The following CD5 variants were observed in gnomAD, a reference collection of about 807,000 sequenced individuals.
CD5 encodes the protein T-cell surface glycoprotein CD5.
Under a neutral mutation model 60.3 loss-of-function variants are expected in CD5, and 36 were observed. The observed-to-expected ratio is 0.60, with a 90% confidence interval of 0.46 to 0.79. The LOEUF (loss-of-function observed/expected upper bound fraction) is 0.79. CD5 is among the 30% of genes least tolerant of loss of function. CD5 has a pLI of 0.00. For missense variants in CD5, 540 were observed against 630.6 expected, an observed-to-expected ratio of 0.86 and a Z score of 1.54; for synonymous variants, 230 against 257.6, an observed-to-expected ratio of 0.89 and a Z score of 1.03.
At position 61,103,651 on chromosome 11, in the gene CD5, GGT is replaced by G. The variant is rs370151173; in HGVS notation, c.55+1037_55+1038del. 9.0e-5 allele frequency among the ~76,000 whole-genome samples: 13 copies of G among 144,440 alleles called. 1 individual carries two copies. The highest frequency in any genetic ancestry group is 3.7e-4 in the African/African-American group (13 of 34,928). The allele number at this position is 144,440 out of a possible 152,430, so 94.8% of individuals were successfully genotyped here. A position where few individuals can be genotyped will look rare whatever the true frequency, so the allele number is the denominator to read the frequency against. The stretch of plus-strand genomic sequence containing the variant: ...TACGTGTGTGAGAACTGTGTTGGGG[GGT>G]AATGTGTGACTCTGTGTGTGAGTCT... On this transcript the variant is annotated intron_variant, in intron 1 of 10. Coordinates refer to ENST00000347785, the MANE Select transcript of CD5 (RefSeq NM_014207.4).
At chr11:61,095,746 C>A in the CD5 span, among the ~76,000 whole-genome samples, 1 of 152,122 alleles carries the variant, frequency 6.6e-6, no homozygotes, top group Admixed American at 6.5e-5. Flanking sequence ...GCTCAAAAGG[C>A]TACAAATGTA....
chr11:61,100,897 TCA>T (rs1245042511), upstream of CD5, among the ~76,000 whole-genome samples: 167 of 107,746 alleles, frequency 1.5e-3, 7 homozygotes, highest in Middle Eastern at 0.022. Context: ...AACATGGAGA[TCA>T]CACACACATC....
chr11:61,104,474 A>C (rs998783805), intron 1 of CD5, among the ~76,000 whole-genome samples: 1 of 152,094 alleles, frequency 6.6e-6, no homozygotes, highest in African/African-American at 2.4e-5. Flanking sequence ...GAGTATGGGA[A>C]CCCGTGTCCT....
chr11:61,113,379 C>T (rs991744741), intron 1 of CD5, among the ~76,000 whole-genome samples: 8 of 152,240 alleles, frequency 5.3e-5, no homozygotes, highest in Admixed American at 5.2e-4. Flanking sequence ...GGCAACTTTG[C>T]CCCCACTCCA....
chr11:61,118,134 C>T lies in CD5; in HGVS notation c.95-41C>T, dbSNP rs1297982120. Reference sequence around the variant, plus strand: ...GCAGTGAGGGGTGCCAGTGGGGAACCCCTCCCAGCCTGACCCCCACCACAC... The same window carrying T: ...GCAGTGAGGGGTGCCAGTGGGGAACTCCTCCCAGCCTGACCCCCACCACAC... On this transcript the variant is annotated intron_variant, in intron 2 of 10. Transcript: ENST00000347785. The surrounding 1 kb of genome is among the most constrained non-coding windows in gnomAD (Gnocchi z 4.7). 5 of 1,585,992 alleles carry T rather than the reference C, an allele frequency of 3.2e-6. No homozygotes were observed. In the Admixed American group the frequency reaches 5.1e-5, roughly 16 times the overall value.
chr11:61,096,274 A>G, the CD5 span, among the ~76,000 whole-genome samples: 1 of 152,250 alleles, frequency 6.6e-6, no homozygotes, highest in Non-Finnish European at 1.5e-5. Context: ...GATTCAGAAC[A>G]AAAGACCTCA....
chr11:61,123,044 G>A lies in CD5; in HGVS notation c.1225+12G>A, dbSNP rs373847040. The A allele has an allele frequency of 2.1e-5, 34 of 1,599,784 alleles. No homozygotes were observed. Among genetic ancestry groups the A allele is most frequent in the Middle Eastern group, 3.3e-4 (2 of 6,066 alleles). On this transcript the variant is annotated intron_variant, in intron 7 of 10. Transcript: ENST00000347785. ...GCTAGTGAAGAAATGTAGGTGTCAC[G>A]GCCCTGAGTGGCTCCGTTCCCACGT...
chr11:61,119,628 T>C (rs1172744678), intron 5 of CD5, 53 bp downstream of exon 5: 5 of 1,295,418 alleles, frequency 3.9e-6, no homozygotes, highest in Non-Finnish European at 5.4e-6. Flanking sequence ...CTAGGTGGGG[T>C]CACAGAGCAT....
chr11:61,102,488 C>T (rs899326744), upstream of CD5: 17 of 1,062,180 alleles, frequency 1.6e-5, no homozygotes, highest in South Asian at 6.8e-5. Context: ...TCTCTGAGAG[C>T]GAGATACCCG....
chr11:61,100,939 T>C (rs1248799740), upstream of CD5, among the ~76,000 whole-genome samples: 2 of 116,542 alleles, frequency 1.7e-5, no homozygotes, highest in Non-Finnish European at 3.4e-5. Flanking sequence ...CACATCAACA[T>C]GGAGATTACA....
chr11:61,115,636 G>C (rs1027820215), intron 2 of CD5, among the ~76,000 whole-genome samples: 2 of 152,226 alleles, frequency 1.3e-5, no homozygotes, highest in Non-Finnish European at 2.9e-5. Flanking sequence ...CCCAGTAAAG[G>C]ATCTGAGAAA....
rs1303848385 is a variant in CD5, at chr11:61,121,905, G to A, written c.1099+1G>A. 10 of 1,532,994 alleles carry A rather than the reference G, an allele frequency of 6.5e-6. No homozygotes were observed. Among genetic ancestry groups the A allele is most frequent in the Admixed American group, 1.8e-5 (1 of 54,370 alleles). 95.0% of individuals were successfully genotyped at this position (1,532,994 alleles called of 1,614,324 possible). ...TACTGCAAGAAGGTGTTTGTCACAT[G>A]TGAGTTGGCCACAGCCCACAGTGGG... On this transcript the variant is annotated splice_donor_variant, in intron 6 of 10. Coordinates refer to ENST00000347785, the MANE Select transcript of CD5 (RefSeq NM_014207.4). LOFTEE classifies it high-confidence loss of function.
chr11:61,104,842 C>G (rs961533307), intron 1 of CD5, among the ~76,000 whole-genome samples: 1 of 152,258 alleles, frequency 6.6e-6, no homozygotes, highest in African/African-American at 2.4e-5. Context: ...GCAGCTGGTG[C>G]ACAGCCGAGC....
chr11:61,108,534 C>G (rs1311654014), intron 1 of CD5, among the ~76,000 whole-genome samples: 3 of 152,206 alleles, frequency 2.0e-5, no homozygotes, highest in African/African-American at 7.2e-5. Context: ...CTTCGTTTCC[C>G]TAAAGCCCTG....
chr11:61,114,887 A>G (rs963354147), intron 1 of CD5, among the ~76,000 whole-genome samples, 169 bp from the exon 2 acceptor site: 1 of 152,138 alleles, frequency 6.6e-6, no homozygotes, highest in Non-Finnish European at 1.5e-5. Flanking sequence ...TAGAATTCAT[A>G]TCACTCAGGG....
chr11:61,126,808 C>G lies in CD5; in HGVS notation c.*523C>G, dbSNP rs997215897. 1 of 152,274 alleles carries G rather than the reference C, an allele frequency of 6.6e-6. No homozygotes were observed. Among genetic ancestry groups the G allele is most frequent in the African/African-American group, 2.4e-5 (1 of 41,448 alleles). 9.4% of individuals were successfully genotyped at this position (152,274 alleles called of 1,614,324 possible). ...GGGGACTCCCGGAGACCTCTGCAGC[C>G]GTGGTGGTCAGAGGCTGCTCACCTG... On this transcript the variant is annotated 3_prime_UTR_variant, in exon 11 of 11. Coordinates refer to ENST00000347785, the MANE Select transcript of CD5 (RefSeq NM_014207.4).
In CD5 at chr11:61,119,409, G is replaced by A; in HGVS notation, c.639G>A (p.Leu213=). Residue 213 remains leucine, a synonymous_variant, in exon 5 of 11, where the codon CTG becomes CTA. Transcript: ENST00000347785. ...NLQCGSFLKH[L]PETEAGRAQD... ...AGTGTGGCTCCTTCTTGAAGCATCT[G>A]CCAGAGACTGAGGCAGGCAGAGCCC... The A allele has an allele frequency of 6.2e-7, 1 of 1,614,178 alleles. No individual in the cohort carries two copies. The highest frequency in any genetic ancestry group is 8.5e-7 in the Non-Finnish European group (1 of 1,180,032).
chr11:61,124,944 A>G, intron 8 of CD5, 88 bp from the exon 9 acceptor site: 1 of 1,525,458 alleles, frequency 6.6e-7, no homozygotes, highest in South Asian at 1.2e-5. Flanking sequence ...CATCATGGGA[A>G]TAGGAGATTA....
chr11:61,110,232 C>T (rs1860835506), intron 1 of CD5, among the ~76,000 whole-genome samples: 1 of 152,016 alleles, frequency 6.6e-6, no homozygotes, highest in South Asian at 2.1e-4. Context: ...AAAAAAAAAA[C>T]CTGAACATAT....
Sources: gnomAD v4.1 joint callset for allele counts (sites outside exome capture counted in the v4.1 genomes callset) on GRCh38, gnomAD v4.1.1 for gene constraint, Gnocchi (gnomAD v3.1) non-coding constraint, MANE v1.5 for transcripts, NCBI Gene and HGNC (gene_info 2026-07-23, HGNC 2026-07-21) for gene names.